Variants in FLT1 observed in about 807,000 individuals in gnomAD.
FLT1 encodes vascular endothelial growth factor receptor 1.
FLT1 carries 49 observed loss-of-function variants against 156.3 expected under a neutral mutation model. The observed-to-expected ratio is 0.31, with a 90% confidence interval of 0.25 to 0.40. FLT1 has a LOEUF of 0.40. Ranked by LOEUF, FLT1 falls within the 10% of genes least tolerant of loss-of-function variation. The pLI is 1.00. For synonymous variants in FLT1, 594 were observed against 583.8 expected (o/e 1.02, Z -0.25); for missense variants, 1,322 against 1,637.2 (o/e 0.81, Z 3.32).
At chr13:28,479,727 T>C (rs1306544576) in intron 1 of FLT1, among the ~76,000 whole-genome samples, 1 of 152,262 alleles carries the variant, frequency 6.6e-6, no homozygotes, top group Non-Finnish European at 1.5e-5. Flanking sequence ...TAGCGTTGTT[T>C]GTATTCAATG....
intron 15 of FLT1, among the ~76,000 whole-genome samples, chr13:28,349,447 C>CACAG (rs1213016970): frequency 6.6e-6 from 1 of 150,604 alleles, no homozygotes; most frequent in Non-Finnish European, 1.5e-5. Flanking sequence ...CACACACACA[C>CACAG]ACACACACAC....
chr13:28,440,359 G>A (rs1380838422), intron 3 of FLT1, among the ~76,000 whole-genome samples: 1 of 152,188 alleles, frequency 6.6e-6, no homozygotes, highest in African/African-American at 2.4e-5. Context: ...GATGGGCACA[G>A]CCAGGCCTGT....
At position 28,376,746 on chromosome 13, in the gene FLT1, C is replaced by T. The variant is rs561868758; in HGVS notation, c.2116+8139G>A. Among the ~76,000 whole-genome samples the T allele has an allele frequency of 6.6e-5, 10 of 152,258 alleles. No homozygotes were observed. In the South Asian group the frequency reaches 8.3e-4, roughly 13 times the overall value. Reference sequence around the variant, plus strand: ...CAATGTCATAACTTGAAATATTTTACGACCTCATTGGAGAACCTGGGAAGA... The same window carrying T: ...CAATGTCATAACTTGAAATATTTTATGACCTCATTGGAGAACCTGGGAAGA... On this transcript the variant is annotated intron_variant, in intron 14 of 29. Coordinates refer to ENST00000282397, the MANE Select transcript of FLT1 (RefSeq NM_002019.4).
At chr13:28,429,186 C>T (rs1593782605) in intron 8 of FLT1, among the ~76,000 whole-genome samples, 1 of 152,264 alleles carries the variant, frequency 6.6e-6, no homozygotes, top group Non-Finnish European at 1.5e-5. Context: ...GAAGACATAG[C>T]ACAAAGTTAA....
chr13:28,418,902 C>A (rs1177751503), intron 10 of FLT1, among the ~76,000 whole-genome samples: 1 of 151,976 alleles, frequency 6.6e-6, no homozygotes, highest in Non-Finnish European at 1.5e-5. Flanking sequence ...TCTGAAAACA[C>A]CTGAGAAATA....
chr13:28,360,687 G>C (rs1390044617), intron 14 of FLT1, among the ~76,000 whole-genome samples: 8 of 152,180 alleles, frequency 5.3e-5, no homozygotes, highest in African/African-American at 1.9e-4. Context: ...AGGCTGGGGT[G>C]GGGAGAGTTG....
intron 25 of FLT1, among the ~76,000 whole-genome samples, chr13:28,312,959 TTTATTTTTA>T (rs1871064755): frequency 8.0e-6 from 1 of 124,386 alleles, no homozygotes; most frequent in Non-Finnish European, 1.6e-5. Flanking sequence ...ACATTTTATT[TTTATTTTTA>T]TTTTTATTTT....
rs1266021232 is a variant in FLT1, at chr13:28,390,096, T to C, written c.1669A>G (p.Asn557Asp). 3.1e-6 allele frequency: 5 copies of C among 1,613,358 alleles called. No homozygotes were observed. Among genetic ancestry groups the C allele is most frequent in the Non-Finnish European group, 4.2e-6 (5 of 1,179,314 alleles). ...NISFYITDVP[N>D]GFHVNLEKMP... ...TTTTCCAAGTTAACATGAAACCCAT[T>C]TGGCACATCTATAAAATAAGAATAA... is the stretch of plus-strand genomic sequence containing the variant. Residue 557 changes from asparagine (N) to aspartate (D), a missense_variant, in exon 13 of 30, where the codon AAT becomes GAT. Physicochemically the swap from Asn to Asp is conservative, Grantham distance 23 (BLOSUM62 1). This residue lies in a region of FLT1 where 991 missense variants were observed against 1,254.8 expected (regional missense o/e 0.79). Coordinates refer to ENST00000282397, the MANE Select transcript of FLT1 (RefSeq NM_002019.4).
chr13:28,385,536 C>A (rs1356994134), intron 13 of FLT1: 66 of 1,011,632 alleles, frequency 6.5e-5, no homozygotes, highest in Non-Finnish European at 7.6e-5. Context: ...GGCAGCAGAC[C>A]AAACAGGAGA....
At chr13:28,397,378 T>C (rs1361415559) in intron 11 of FLT1, among the ~76,000 whole-genome samples, 1 of 152,162 alleles carries the variant, frequency 6.6e-6, no homozygotes, top group Non-Finnish European at 1.5e-5. Context: ...CTGCACGTCC[T>C]ACCCTATGAG....
At chr13:28,319,863 A>G (rs567981849) in intron 23 of FLT1, among the ~76,000 whole-genome samples, 1 of 152,326 alleles carries the variant, frequency 6.6e-6, no homozygotes, top group East Asian at 1.9e-4. Flanking sequence ...GGCTTGGAAA[A>G]GGAAAAGAGT....
chr13:28,344,310 C>T (rs774198493), intron 16 of FLT1, among the ~76,000 whole-genome samples: 2 of 152,158 alleles, frequency 1.3e-5, no homozygotes, highest in Non-Finnish European at 2.9e-5. Flanking sequence ...TGTGTTCCCC[C>T]TCCCCTGCCC....
intron 20 of FLT1, among the ~76,000 whole-genome samples, chr13:28,326,029 T>C (rs139516128): frequency 7.5e-4 from 114 of 152,224 alleles, no homozygotes; most frequent in Non-Finnish European, 1.2e-3. Context: ...GGCATCATTC[T>C]TGGATTTCAG....
At chr13:28,372,602 A>ATATATATATATATAT (rs1281561806) in intron 14 of FLT1, among the ~76,000 whole-genome samples, 2 of 120,578 alleles carry the variant, frequency 1.7e-5, no homozygotes, top group South Asian at 2.9e-4. Flanking sequence ...ATATATATAT[A>ATATATATATATATAT]GCTGGGTGCA....
intron 17 of FLT1, among the ~76,000 whole-genome samples, chr13:28,335,288 T>C (rs774818337): frequency 5.9e-5 from 9 of 152,140 alleles, no homozygotes; most frequent in Non-Finnish European, 1.3e-4. Context: ...AAAACTATTA[T>C]AAATCCTGGC....
chr13:28,305,994 C>A (rs540861622), intron 29 of FLT1, among the ~76,000 whole-genome samples: 4 of 152,280 alleles, frequency 2.6e-5, no homozygotes, highest in Non-Finnish European at 4.4e-5. Context: ...TCGGGTGAGA[C>A]AGGGACAGGC....
intron 3 of FLT1, among the ~76,000 whole-genome samples, chr13:28,460,533 G>T (rs1879507682): frequency 6.6e-6 from 1 of 152,046 alleles, no homozygotes; most frequent in Admixed American, 6.6e-5. Context: ...CTCAGTTCAG[G>T]AGTGAAATGA....
chr13:28,432,136 A>G (rs1182585365), intron 6 of FLT1, among the ~76,000 whole-genome samples: 1 of 151,952 alleles, frequency 6.6e-6, no homozygotes, highest in Non-Finnish European at 1.5e-5. Flanking sequence ...ACTATATTTT[A>G]TAACTAATAA....
chr13:28,399,827 G>C (rs1364810800), intron 11 of FLT1, among the ~76,000 whole-genome samples: 1 of 152,178 alleles, frequency 6.6e-6, no homozygotes, highest in African/African-American at 2.4e-5. Context: ...CAACGTTGAT[G>C]GGAGTTTACA....
Sources: allele counts gnomAD v4.1 joint callset (sites outside exome capture counted in the v4.1 genomes callset), GRCh38; gene constraint gnomAD v4.1.1; regional missense constraint gnomAD v4.1.1; transcripts MANE v1.5; gene names NCBI Gene and HGNC (gene_info 2026-07-23, HGNC 2026-07-21).